Variants in SLC39A11 observed in about 807,000 individuals in gnomAD.
The protein encoded by SLC39A11 is solute carrier family 39 member 11, also known as zinc transporter ZIP11.
In SLC39A11, 33 loss-of-function variants were observed where a neutral mutation model predicts 36.1. The observed-to-expected ratio is 0.91, with a 90% CI of 0.69 to 1.22. The LOEUF (loss-of-function observed/expected upper bound fraction) is 1.22, where lower values mean the gene tolerates loss of function less well. Ranked by LOEUF, SLC39A11 falls within the 50% of genes most tolerant of loss-of-function variation. SLC39A11 has a pLI of 0.00. For missense variants in SLC39A11, 432 were observed against 430.3 expected, an observed-to-expected ratio of 1.00 and a Z score of -0.03; for synonymous variants, 166 against 170.3, an observed-to-expected ratio of 0.97 and a Z score of 0.20.
At chr17:72,850,001 C>T (rs2146005300) in intron 5 of SLC39A11, among the ~76,000 whole-genome samples, 197 bp from the exon 6 acceptor site, 1 of 151,344 alleles carries the variant, frequency 6.6e-6, no homozygotes, top group East Asian at 2.0e-4. Context: ...TCAAGCCATC[C>T]TCCCATCTCA....
intron 7 of SLC39A11, among the ~76,000 whole-genome samples, chr17:72,711,413 T>C (rs564044445): frequency 1.2e-4 from 19 of 152,302 alleles, no homozygotes; most frequent in African/African-American, 4.6e-4. Flanking sequence ...GATGTGGAAA[T>C]GATGGCCGAG....
intron 6 of SLC39A11, among the ~76,000 whole-genome samples, chr17:72,844,879 G>A (rs116643462): frequency 0.012 from 1,753 of 152,156 alleles, 30 homozygotes; most frequent in African/African-American, 0.039. Flanking sequence ...AGCCTTCCTC[G>A]TCTCAGTTGA....
At chr17:72,991,507 G>A (rs1448909400) in intron 4 of SLC39A11, among the ~76,000 whole-genome samples, 5 of 151,936 alleles carry the variant, frequency 3.3e-5, no homozygotes, top group Non-Finnish European at 7.4e-5. Context: ...ACAGGCCCAC[G>A]CCACCACACC....
intron 7 of SLC39A11, among the ~76,000 whole-genome samples, chr17:72,705,143 T>TTA (rs2072835434): frequency 6.6e-6 from 1 of 152,190 alleles, no homozygotes. Flanking sequence ...CTTTTTAGTT[T>TTA]AGGACAATAT....
chr17:72,802,766 C>A (rs369801893), intron 6 of SLC39A11, among the ~76,000 whole-genome samples: 21 of 152,160 alleles, frequency 1.4e-4, no homozygotes, highest in African/African-American at 3.1e-4. Context: ...CACTGTAAAC[C>A]AGTAGGTCTT....
At chr17:72,984,179 G>T (rs551398527) in intron 4 of SLC39A11, among the ~76,000 whole-genome samples, 1 of 152,196 alleles carries the variant, frequency 6.6e-6, no homozygotes, top group East Asian at 1.9e-4. Flanking sequence ...AAAAAACCCA[G>T]CTCTTGCCCC....
intron 4 of SLC39A11, among the ~76,000 whole-genome samples, chr17:73,029,104 T>G (rs2058658345): frequency 7.9e-6 from 1 of 126,430 alleles, no homozygotes; most frequent in South Asian, 3.0e-4. Context: ...GGTGACAGAG[T>G]GAGACGCCGT....
intron 4 of SLC39A11, among the ~76,000 whole-genome samples, chr17:72,955,506 A>C (rs2086195670): frequency 7.3e-6 from 1 of 137,738 alleles, no homozygotes; most frequent in Non-Finnish European, 1.5e-5. Context: ...ATGAGGTTTC[A>C]CCATGTTGGC....
intron 5 of SLC39A11, among the ~76,000 whole-genome samples, chr17:72,940,572 G>A (rs115344540): frequency 0.022 from 3,400 of 152,256 alleles, 127 homozygotes; most frequent in African/African-American, 0.076. Context: ...CACTGCGCCC[G>A]GCCCTGACTT....
chr17:72,779,576 C>G (rs958360521), intron 6 of SLC39A11, among the ~76,000 whole-genome samples: 1 of 152,172 alleles, frequency 6.6e-6, no homozygotes, highest in Non-Finnish European at 1.5e-5. Context: ...TTCACCTGAC[C>G]GTGCTAACCC....
chr17:72,689,461 G>A (rs1206339874), intron 7 of SLC39A11, among the ~76,000 whole-genome samples: 1 of 152,036 alleles, frequency 6.6e-6, no homozygotes, highest in Non-Finnish European at 1.5e-5. Flanking sequence ...ATACAGAAAT[G>A]GAAACAGAGA....
At chr17:73,051,393 C>T (rs530477358) in intron 3 of SLC39A11, among the ~76,000 whole-genome samples, 1 of 152,196 alleles carries the variant, frequency 6.6e-6, no homozygotes, top group Non-Finnish European at 1.5e-5. Context: ...TCTGTGCAGA[C>T]AGGAATTTGC....
Position 72,872,777 on chromosome 17 carries a change from G to C in SLC39A11, c.431-22973C>G, listed in dbSNP as rs141483158. ...ACCAGGTTAGAATTATGGTTCAGGG[G>C]CGGGTGCAGTGGCTCATGCCTGTAA... On this transcript the variant is annotated intron_variant, in intron 5 of 9. Transcript: ENST00000255559. 2.7e-3 allele frequency among the ~76,000 whole-genome samples: 406 copies of C among 152,140 alleles called. 1 individual carries two copies. The highest frequency in any genetic ancestry group is 9.5e-3 in the African/African-American group (393 of 41,522).
chr17:73,048,801 C>A (rs904600943), intron 3 of SLC39A11, among the ~76,000 whole-genome samples: 1 of 152,180 alleles, frequency 6.6e-6, no homozygotes, highest in Admixed American at 6.5e-5. Flanking sequence ...TCTATTCTTA[C>A]TATTATTGCA....
intron 6 of SLC39A11, among the ~76,000 whole-genome samples, chr17:72,843,339 G>A (rs1170087029): frequency 2.0e-5 from 3 of 152,174 alleles, no homozygotes; most frequent in Non-Finnish European, 4.4e-5. Flanking sequence ...GTGTGTGGCT[G>A]TGGTCTCAAG....
chr17:72,949,144 C>CTTTTGTTTTTTTTTTTTTT (rs2085662775), intron 4 of SLC39A11, among the ~76,000 whole-genome samples: 1 of 36,474 alleles, frequency 2.7e-5, no homozygotes, highest in Admixed American at 5.6e-4. Context: ...CACTGGGCAG[C>CTTTTGTTTTTTTTTTTTTT]TTTTTTTTTT....
rs1598212096 is a variant in SLC39A11 at position 72,649,372 on chromosome 17, G to A, written c.672-104C>T. ...GACCTCCGTGGGTGCTAGGAAGCCA[G>A]GAGGAGACCTGTGACCTGCAGTAGG... On this transcript the variant is annotated intron_variant, in intron 7 of 9. Coordinates refer to ENST00000255559, the MANE Select transcript of SLC39A11 (RefSeq NM_139177.4). 7 of 932,672 alleles carry A rather than the reference G, an allele frequency of 7.5e-6. No homozygotes were observed. In the East Asian group the frequency reaches 7.8e-5, roughly 10 times the overall value. 57.8% of individuals were successfully genotyped at this position (932,672 alleles called of 1,614,324 possible).
At chr17:73,035,478 A>G (rs2058876035) in intron 3 of SLC39A11, among the ~76,000 whole-genome samples, 1 of 152,162 alleles carries the variant, frequency 6.6e-6, no homozygotes, top group South Asian at 2.1e-4. Context: ...AGAAAAGACG[A>G]CTGTATCCTA....
At chr17:72,849,872 C>T in intron 5 of SLC39A11, 68 bp from the exon 6 acceptor site, 1 of 1,396,942 alleles carries the variant, frequency 7.2e-7, no homozygotes, top group Non-Finnish European at 9.5e-7. Context: ...CGTTAACTCT[C>T]CAGCAAGCTA....
Sources: allele counts gnomAD v4.1 joint callset (sites outside exome capture counted in the v4.1 genomes callset), GRCh38; gene constraint gnomAD v4.1.1; transcripts MANE v1.5; gene names NCBI Gene and HGNC (gene_info 2026-07-23, HGNC 2026-07-21).